The following WDR3 variants were observed in gnomAD, a reference collection of about 807,000 sequenced individuals.
WDR3 encodes WD repeat-containing protein 3.
A neutral mutation model predicts 123.7 loss-of-function variants in WDR3; 81 were observed. That is an observed-to-expected ratio of 0.65 (90% CI 0.55 to 0.79). The LOEUF is 0.79. WDR3 is among the 30% of genes least tolerant of loss of function. The probability of loss-of-function intolerance (pLI) is 0.00; values close to 1 mark genes in which losing one functional copy is unlikely to be tolerated. For missense variants in WDR3, 1,027 were observed against 1,123.2 expected (o/e 0.91, Z 1.22); for synonymous variants, 390 against 388.8 (o/e 1.00, Z -0.04).
Position 117,958,776 on chromosome 1 carries a change from T to A in WDR3, c.2583-134T>A, listed in dbSNP as rs1652591934. On this transcript the variant is annotated intron_variant, in intron 25 of 26. Transcript: ENST00000349139. ...AAAGAAACTTCTTTGGCTTTTTTTT[T>A]TTTTTTTGCTCGAAACATTTCTATA... 6.5e-5 allele frequency: 38 copies of A among 587,204 alleles called. No homozygotes were observed. In the East Asian group the frequency reaches 1.2e-3, roughly 18 times the overall value. 36.4% of individuals were successfully genotyped at this position (587,204 alleles called of 1,614,324 possible).
chr1:117,936,900 T>C lies in WDR3; in HGVS notation c.500+13T>C, dbSNP rs1050985980. On this transcript the variant is annotated intron_variant, in intron 4 of 26. Transcript: ENST00000349139. ...TGCTAGTTACTAGGTAAAGAAATAA[T>C]GGTTTAATTTCCAGTTATTTTCTAG... The C allele has an allele frequency of 5.6e-6, 9 of 1,595,566 alleles. No homozygotes were observed. The highest frequency in any genetic ancestry group is 7.7e-6 in the Non-Finnish European group (9 of 1,166,852).
At chr1:117,944,665 T>G (rs1204315722) in intron 11 of WDR3, among the ~76,000 whole-genome samples, 1 of 152,172 alleles carries the variant, frequency 6.6e-6, no homozygotes, top group African/African-American at 2.4e-5. Flanking sequence ...TGCTACCAGT[T>G]GTAGTCTAAA....
At position 117,955,740 on chromosome 1, in the gene WDR3, A is replaced by G. The variant is rs181720166; in HGVS notation, c.2453+382A>G. ...GTTCTTTTTCACATATTTCCTGAAC[A>G]TTTGTTTGTTGTTCATATTCTTCAA... On this transcript the variant is annotated intron_variant, in intron 24 of 26. Coordinates refer to ENST00000349139, the MANE Select transcript of WDR3 (RefSeq NM_006784.3). Among the ~76,000 whole-genome samples, 24 of 151,416 alleles carry G rather than the reference A, an allele frequency of 1.6e-4. 1 individual carries two copies. In the East Asian group the frequency reaches 4.1e-3, roughly 26 times the overall value.
chr1:117,950,212 C>A, intron 15 of WDR3, 82 bp downstream of exon 15: 2 of 1,533,962 alleles, frequency 1.3e-6, no homozygotes, highest in Non-Finnish European at 1.8e-6. Flanking sequence ...AAAGAAGTGG[C>A]CTTGACTGTG....
At position 117,957,097 on chromosome 1, in the gene WDR3, C is replaced by T; in HGVS notation, c.2483C>T (p.Pro828Leu). The change falls in exon 25 of 27, where the codon CCT (proline) becomes CTT (leucine). Residue 828 changes from proline (P) to leucine (L), a missense_variant. By Grantham distance (98) the Pro-to-Leu change is moderately conservative (BLOSUM62 -3). Transcript: ENST00000349139. ...CTGGAAGAATCTCTACTTGTGCTGC[C>T]TTTCTCTTATGTCCCAGACATTCTT... Reference protein sequence around the residue: ...SELEESLLVLPFSYVPDILKL... With the variant: ...SELEESLLVLLFSYVPDILKL... The T allele has an allele frequency of 1.9e-6, 3 of 1,600,426 alleles. No homozygotes were observed. Among genetic ancestry groups the T allele is most frequent in the Non-Finnish European group, 2.6e-6 (3 of 1,174,072 alleles).
At chr1:117,942,653 G>A (rs183232757) in intron 10 of WDR3, 109 bp downstream of exon 10, 57 of 968,956 alleles carry the variant, frequency 5.9e-5, no homozygotes, top group East Asian at 5.8e-4. Context: ...ATGTGGAGAC[G>A]GTGGTCATGA....
rs112603995 is a variant in WDR3 at position 117,946,448 on chromosome 1, T to C, written c.1422+269T>C. On this transcript the variant is annotated intron_variant, in intron 12 of 26. Transcript: ENST00000349139. Reference sequence around the variant, plus strand: ...ATGTGTCTTTTTATGGGCGCATATGTAATTGTGTTTTAATTAATGATAAAA... The same window carrying C: ...ATGTGTCTTTTTATGGGCGCATATGCAATTGTGTTTTAATTAATGATAAAA... Among the ~76,000 whole-genome samples the C allele has an allele frequency of 3.5e-3, 539 of 152,268 alleles. 4 individuals are homozygous for C. The highest frequency in any genetic ancestry group is 0.012 in the African/African-American group (514 of 41,556).
intron 6 of WDR3, among the ~76,000 whole-genome samples, chr1:117,940,289 A>C (rs1466369666): frequency 1.3e-5 from 2 of 152,204 alleles, no homozygotes; most frequent in Admixed American, 1.3e-4. Flanking sequence ...TATAATAAGT[A>C]ATATTTTGTT....
intron 9 of WDR3, 139 bp downstream of exon 9, chr1:117,941,986 C>G (rs1651188482): frequency 7.4e-7 from 1 of 1,348,870 alleles, no homozygotes; most frequent in Non-Finnish European, 9.6e-7. Context: ...GTATCGATAA[C>G]CCAAATTTGT....
At chr1:117,946,575 G>A (rs1651390384) in intron 12 of WDR3, among the ~76,000 whole-genome samples, 1 of 152,146 alleles carries the variant, frequency 6.6e-6, no homozygotes, top group African/African-American at 2.4e-5. Context: ...ATTCCTAGGT[G>A]CTAGTCAGAT....
chr1:117,940,208 G>C (rs75909532), intron 6 of WDR3, among the ~76,000 whole-genome samples: 2,882 of 152,288 alleles, frequency 0.019, 80 homozygotes, highest in South Asian at 0.12. Context: ...TTAGTGAAGA[G>C]TGGGGTCATT....
chr1:117,957,154 C>G lies in WDR3; in HGVS notation c.2540C>G (p.Ser847Cys), dbSNP rs1221031315. ...TTTAACGAATTCATTCAGCTGGGCT[C>G]TGATGTTGAACTTATATGCCGGTGC... is the stretch of plus-strand genomic sequence containing the variant. The part of the protein sequence containing the change: ...KLFNEFIQLG[S>C]DVELICRCLF... The change falls in exon 25 of 27, where the codon TCT (serine) becomes TGT (cysteine). Residue 847 changes from serine to cysteine, a missense_variant. Physicochemically the swap from Ser to Cys is moderately radical, Grantham distance 112. Transcript: ENST00000349139. 1.9e-6 allele frequency: 3 copies of G among 1,612,714 alleles called. No homozygotes were observed. The highest frequency in any genetic ancestry group is 2.5e-6 in the Non-Finnish European group (3 of 1,179,526).
intron 16 of WDR3, among the ~76,000 whole-genome samples, chr1:117,951,542 G>A (rs1391996925): frequency 6.7e-6 from 1 of 148,162 alleles, no homozygotes; most frequent in Non-Finnish European, 1.5e-5. Flanking sequence ...ACAACCATTT[G>A]GACCACGCAT....
At chr1:117,953,845 C>A in intron 21 of WDR3, 162 bp from the exon 22 acceptor site, 1 of 649,212 alleles carries the variant, frequency 1.5e-6, no homozygotes, top group Non-Finnish European at 2.6e-6. Context: ...ATAAGAAAAC[C>A]AAAAATGTCT....
At chr1:117,943,718 G>A in intron 11 of WDR3, 92 bp downstream of exon 11, 1 of 1,089,706 alleles carries the variant, frequency 9.2e-7, no homozygotes, top group Non-Finnish European at 1.3e-6. Flanking sequence ...AACTCCTTAA[G>A]GCCCTAAATA....
rs1353588314 is a variant in WDR3, at chr1:117,943,506, C to T, written c.1208C>T (p.Pro403Leu). The change falls in exon 11 of 27, where the codon CCT becomes CTT. Residue 403 changes from proline (P) to leucine (L), a missense_variant. By Grantham distance (98) the Pro-to-Leu change is moderately conservative. Coordinates refer to ENST00000349139, the MANE Select transcript of WDR3 (RefSeq NM_006784.3). ...SLNPSLPTPQ[P>L]VRTSRITIGG... The stretch of plus-strand genomic sequence containing the variant: ...AATCCATCCTTGCCTACTCCTCAGC[C>T]TGTCAGGACAAGCAGAATCACTATT... 1 of 1,614,110 alleles carries T rather than the reference C, an allele frequency of 6.2e-7. No individual in the cohort carries two copies. Among genetic ancestry groups the T allele is most frequent in the Non-Finnish European group, 8.5e-7 (1 of 1,180,024 alleles).
At chr1:117,949,532 T>C (rs182283458) in intron 13 of WDR3, among the ~76,000 whole-genome samples, 3 of 152,362 alleles carry the variant, frequency 2.0e-5, no homozygotes, top group Admixed American at 6.5e-5. Context: ...TCATTAGTTA[T>C]TATTTCTGCC....
intron 6 of WDR3, among the ~76,000 whole-genome samples, chr1:117,939,936 C>G (rs1180643804): frequency 6.6e-6 from 1 of 152,088 alleles, no homozygotes; most frequent in African/African-American, 2.4e-5. Context: ...CTGAAAAGAT[C>G]TATAACTTTT....
intron 21 of WDR3, chr1:117,953,774 G>A (rs1290730308): frequency 1.5e-5 from 9 of 607,348 alleles, no homozygotes; most frequent in African/African-American, 1.9e-5. Flanking sequence ...CCTATTCAGA[G>A]TGTCTAGATA....
Sources: allele counts gnomAD v4.1 joint callset (sites outside exome capture counted in the v4.1 genomes callset), GRCh38; gene constraint gnomAD v4.1.1; transcripts MANE v1.5; gene names NCBI Gene and HGNC (gene_info 2026-07-23, HGNC 2026-07-21).